SAMHD1: variants seen among roughly 807,000 people sequenced by gnomAD.
SAMHD1 encodes SAM and HD domain containing deoxynucleoside triphosphate triphosphohydrolase 1.
SAMHD1 carries 54 observed loss-of-function variants against 79.6 expected under a neutral mutation model. The ratio of observed to expected loss-of-function variants is 0.68; its 90% CI spans 0.55 to 0.85. SAMHD1 has a LOEUF of 0.85. Ranked by LOEUF, SAMHD1 falls within the 40% of genes least tolerant of loss-of-function variation. The probability of loss-of-function intolerance (pLI) is 0.00; values close to 1 mark genes in which losing one functional copy is unlikely to be tolerated. For missense variants in SAMHD1, 663 were observed against 782.7 expected (o/e 0.85, Z 1.82); for synonymous variants, 260 against 264.1 (o/e 0.98, Z 0.15).
At chr20:36,928,814 T>G (rs1458358074) in intron 5 of SAMHD1, among the ~76,000 whole-genome samples, 2 of 152,154 alleles carry the variant, frequency 1.3e-5, no homozygotes, top group Non-Finnish European at 2.9e-5. Flanking sequence ...CTCAGCACTT[T>G]GGGAGGCTGA....
intron 1 of SAMHD1, among the ~76,000 whole-genome samples, chr20:36,950,448 C>A (rs893092900): frequency 6.6e-6 from 1 of 152,080 alleles, no homozygotes; most frequent in South Asian, 2.1e-4. Context: ...CCCCACCTAA[C>A]AAATGCAAAA....
intron 6 of SAMHD1, among the ~76,000 whole-genome samples, chr20:36,922,863 G>A (rs994322545): frequency 2.0e-5 from 3 of 151,948 alleles, no homozygotes; most frequent in African/African-American, 7.3e-5. Flanking sequence ...TGTCCAGGCT[G>A]GTCTTGAACT....
intron 4 of SAMHD1, 89 bp downstream of exon 4, chr20:36,934,940 G>C (rs1472282957): frequency 7.2e-7 from 1 of 1,388,982 alleles, no homozygotes; most frequent in Non-Finnish European, 1.0e-6. Context: ...TTATAGGTGT[G>C]AGCCACCATG....
At chr20:36,897,731 T>C in intron 15 of SAMHD1, 91 bp downstream of exon 15, 1 of 1,435,112 alleles carries the variant, frequency 7.0e-7, no homozygotes, top group African/African-American at 1.4e-5. Flanking sequence ...GACTATAACT[T>C]AAATGGGAAC....
intron 1 of SAMHD1, among the ~76,000 whole-genome samples, chr20:36,948,952 G>A (rs928214978): frequency 6.6e-6 from 1 of 150,496 alleles, no homozygotes; most frequent in Admixed American, 6.7e-5. Flanking sequence ...TCAGATATCT[G>A]CAAGAGGCTC....
intron 9 of SAMHD1, chr20:36,916,487 C>A (rs999518793): frequency 1.2e-4 from 52 of 437,990 alleles, no homozygotes; most frequent in Middle Eastern, 6.9e-4. Context: ...ATGCAACCAA[C>A]CAAACAAAAA....
chr20:36,930,919 G>A (rs754864233), intron 4 of SAMHD1, 44 bp from the exon 5 acceptor site: 2 of 1,328,762 alleles, frequency 1.5e-6, no homozygotes, highest in East Asian at 4.6e-5. Context: ...GTTTGCAAGA[G>A]GAGTGATAGT....
intron 13 of SAMHD1, among the ~76,000 whole-genome samples, chr20:36,903,034 C>T (rs539810685): frequency 7.2e-5 from 11 of 152,010 alleles, no homozygotes; most frequent in Admixed American, 3.3e-4. Flanking sequence ...CCACCTCACT[C>T]GGCCTACACG....
At chr20:36,948,024 A>G (rs1057288009) in intron 1 of SAMHD1, among the ~76,000 whole-genome samples, 1 of 152,062 alleles carries the variant, frequency 6.6e-6, no homozygotes, top group African/African-American at 2.4e-5. Flanking sequence ...CATGAGTTCT[A>G]GAGTCCAAAG....
chr20:36,903,294 C>T (rs903145594), intron 13 of SAMHD1, among the ~76,000 whole-genome samples: 2 of 152,142 alleles, frequency 1.3e-5, no homozygotes, highest in Non-Finnish European at 2.9e-5. Context: ...GGCTGGAGTG[C>T]AGTGGCGTGA....
chr20:36,906,605 T>C (rs2148361434), intron 11 of SAMHD1, among the ~76,000 whole-genome samples: 1 of 152,226 alleles, frequency 6.6e-6, no homozygotes, highest in East Asian at 1.9e-4. Context: ...CTTTGTAAAT[T>C]TCTATAATAA....
intron 15 of SAMHD1, chr20:36,897,563 A>G: frequency 1.9e-6 from 1 of 523,736 alleles, no homozygotes. Flanking sequence ...CAACATTAGA[A>G]AGCATTATTT....
intron 1 of SAMHD1, among the ~76,000 whole-genome samples, chr20:36,947,853 G>A (rs2063704859): frequency 6.6e-6 from 1 of 151,842 alleles, no homozygotes; most frequent in Non-Finnish European, 1.5e-5. Flanking sequence ...TTTATTTTTT[G>A]TAAAGTTGAG....
chr20:36,949,097 T>TC (rs2063714960), intron 1 of SAMHD1, among the ~76,000 whole-genome samples: 1 of 148,056 alleles, frequency 6.8e-6, no homozygotes, highest in African/African-American at 2.5e-5. Context: ...AAACCCTGTC[T>TC]TTACTAAAAA....
chr20:36,912,675 T>G (rs1002058317), intron 9 of SAMHD1, 123 bp from the exon 10 acceptor site: 1 of 715,146 alleles, frequency 1.4e-6, no homozygotes, highest in Non-Finnish European at 2.5e-6. Flanking sequence ...CACCGGGGCT[T>G]CTTCATTAAC....
At position 36,890,933 on chromosome 20, in the gene SAMHD1, G is replaced by A. The variant is rs1990060341; in HGVS notation, c.*1999C>T. On this transcript the variant is annotated 3_prime_UTR_variant, in exon 16 of 16. Transcript: ENST00000646673. Reference sequence around the variant, plus strand: ...ACAATGATACAATATTAGGACTACAGAATCTCAGAGTAAACCACAATGATT... The same window carrying A: ...ACAATGATACAATATTAGGACTACAAAATCTCAGAGTAAACCACAATGATT... 1.3e-5 allele frequency: 2 copies of A among 152,188 alleles called. No individual in the cohort carries two copies. Among genetic ancestry groups the A allele is most frequent in the Admixed American group, 1.3e-4 (2 of 15,276 alleles). The allele number at this position is 152,188 out of a possible 1,614,324, so 9.4% of individuals were successfully genotyped here.
chr20:36,915,977 G>A (rs888555077), intron 9 of SAMHD1, among the ~76,000 whole-genome samples: 3 of 152,086 alleles, frequency 2.0e-5, no homozygotes, highest in Non-Finnish European at 2.9e-5. Flanking sequence ...GGCTAACACG[G>A]TGAAACCCTG....
At position 36,932,275 on chromosome 20, in the gene SAMHD1, G is replaced by C. The variant is rs569548576; in HGVS notation, c.510-1400C>G. Among the ~76,000 whole-genome samples, 243 of 149,560 alleles carry C rather than the reference G, an allele frequency of 1.6e-3. 1 individual carries two copies. Among genetic ancestry groups the C allele is most frequent in the Non-Finnish European group, 2.7e-3 (185 of 67,468 alleles). The stretch of plus-strand genomic sequence containing the variant: ...CTGAGGCAGGAGAATCACTTGAACC[G>C]AGGAGGCGGAGGTTGTGGTGAGCCG... On this transcript the variant is annotated intron_variant, in intron 4 of 15. Coordinates refer to ENST00000646673, the MANE Select transcript of SAMHD1 (RefSeq NM_015474.4).
At chr20:36,908,321 C>A (rs1209368864) in intron 11 of SAMHD1, among the ~76,000 whole-genome samples, 1 of 151,942 alleles carries the variant, frequency 6.6e-6, no homozygotes, top group Non-Finnish European at 1.5e-5. Context: ...TGGCTCACTG[C>A]AACCCCGGCC....
Sources: allele counts gnomAD v4.1 joint callset (sites outside exome capture counted in the v4.1 genomes callset), GRCh38; gene constraint gnomAD v4.1.1; transcripts MANE v1.5; gene names NCBI Gene and HGNC (gene_info 2026-07-23, HGNC 2026-07-21).